The following KLF8 variants were observed in gnomAD, a reference collection of about 807,000 sequenced individuals.
KLF8 encodes the protein KLF transcription factor 8, also known as Krueppel-like factor 8.
A neutral mutation model predicts 18.2 loss-of-function variants in KLF8; 10 were observed. The observed-to-expected ratio is 0.55, with a 90% CI of 0.34 to 0.93. The LOEUF (loss-of-function observed/expected upper bound fraction) is 0.93, where lower values mean the gene tolerates loss of function less well. Ranked by LOEUF, KLF8 falls within the 40% of genes least tolerant of loss-of-function variation. KLF8 has a pLI of 0.02. For synonymous variants in KLF8, 109 were observed against 97.3 expected, an observed-to-expected ratio of 1.12 and a Z score of -0.71; for missense variants, 264 against 277.9, an observed-to-expected ratio of 0.95 and a Z score of 0.36.
intron 1 of KLF8, among the ~76,000 whole-genome samples, chrX:56,247,901 CA>C (rs1203354336): frequency 9.0e-6 from 1 of 111,208 alleles, no homozygotes; most frequent in African/African-American, 3.3e-5. Flanking sequence ...ATACAGAAAA[CA>C]ATAACATAGT....
chrX:56,057,197 A>G, the KLF8 span, among the ~76,000 whole-genome samples: 2 of 111,604 alleles, frequency 1.8e-5, no homozygotes, highest in African/African-American at 3.3e-5. Flanking sequence ...TTTTTGTGCC[A>G]CAGATATGGG....
the KLF8 span, among the ~76,000 whole-genome samples, chrX:55,977,347 G>A: frequency 1.8e-5 from 2 of 111,873 alleles, no homozygotes; most frequent in African/African-American, 6.5e-5. Context: ...TCTTCAATTT[G>A]TTAGCATTTA....
At chrX:55,956,983 A>G in the KLF8 span, among the ~76,000 whole-genome samples, 1 of 111,343 alleles carries the variant, frequency 9.0e-6, no homozygotes, top group Non-Finnish European at 1.9e-5. Context: ...GTTCAATGTC[A>G]TGAAACTTTC....
At chrX:55,983,321 CTAAA>C in the KLF8 span, among the ~76,000 whole-genome samples, 1 of 110,520 alleles carries the variant, frequency 9.0e-6, no homozygotes, top group Non-Finnish European at 1.9e-5. Flanking sequence ...TGAATTATAC[CTAAA>C]TAAAGCTGAT....
chrX:56,191,924 G>T, the KLF8 span, among the ~76,000 whole-genome samples: 2 of 111,312 alleles, frequency 1.8e-5, no homozygotes, highest in South Asian at 3.7e-4. Context: ...CCACAATAAG[G>T]ATGCCCATTG....
At chrX:56,188,297 G>C in the KLF8 span, among the ~76,000 whole-genome samples, 1 of 111,117 alleles carries the variant, frequency 9.0e-6, no homozygotes, top group Non-Finnish European at 1.9e-5. Flanking sequence ...AAAATACCTA[G>C]GAATCCAACT....
the KLF8 span, among the ~76,000 whole-genome samples, chrX:56,084,361 C>A: frequency 1.8e-5 from 2 of 110,458 alleles, no homozygotes; most frequent in African/African-American, 6.6e-5. Flanking sequence ...CCAGCCTGGG[C>A]CATAGTGAGA....
chrX:56,070,693 A>G, the KLF8 span, among the ~76,000 whole-genome samples: 2 of 109,940 alleles, frequency 1.8e-5, no homozygotes, highest in Non-Finnish European at 3.8e-5. Flanking sequence ...CTTTGAGGAC[A>G]GGTCAATAGG....
chrX:56,050,141 A>G, the KLF8 span, among the ~76,000 whole-genome samples: 1 of 109,587 alleles, frequency 9.1e-6, no homozygotes, highest in Admixed American at 9.7e-5. Context: ...TATTGCGTCT[A>G]TTTGATTCTT....
the KLF8 span, among the ~76,000 whole-genome samples, chrX:56,090,633 C>T: frequency 8.1e-5 from 9 of 111,234 alleles, no homozygotes; most frequent in African/African-American, 2.9e-4. Context: ...AATTTCTATT[C>T]ATGTTTTTGG....
the KLF8 span, among the ~76,000 whole-genome samples, chrX:55,911,985 G>C: frequency 8.9e-6 from 1 of 111,818 alleles, no homozygotes; most frequent in East Asian, 2.8e-4. Flanking sequence ...GATGTAATTG[G>C]TTGGGGCACA....
the KLF8 span, among the ~76,000 whole-genome samples, chrX:56,139,689 G>A: frequency 9.0e-6 from 1 of 111,422 alleles, no homozygotes; most frequent in Admixed American, 9.5e-5. Context: ...AGAAAACCTA[G>A]GAAGTGCTGT....
the KLF8 span, among the ~76,000 whole-genome samples, chrX:56,080,180 A>G: frequency 9.3e-6 from 1 of 107,962 alleles, no homozygotes; most frequent in African/African-American, 3.4e-5. Context: ...TGTGAATTTG[A>G]TCCTGTCATT....
At chrX:55,963,571 AT>A in the KLF8 span, among the ~76,000 whole-genome samples, 1 of 111,962 alleles carries the variant, frequency 8.9e-6, no homozygotes, top group Non-Finnish European at 1.9e-5. Context: ...ATAAAAAAAA[AT>A]CATTTCTAAA....
the KLF8 span, among the ~76,000 whole-genome samples, chrX:56,034,763 T>A: frequency 1.2e-5 from 1 of 85,122 alleles, no homozygotes; most frequent in African/African-American, 4.3e-5. Context: ...TTTTTTTTTT[T>A]TTTTTTTTTT....
the KLF8 span, among the ~76,000 whole-genome samples, chrX:55,928,192 C>T: frequency 9.0e-5 from 10 of 111,535 alleles, no homozygotes; most frequent in South Asian, 3.8e-3. Context: ...TATAGTTAGA[C>T]TGACATTATG....
the KLF8 span, among the ~76,000 whole-genome samples, chrX:56,124,715 A>T: frequency 8.9e-6 from 1 of 111,924 alleles, no homozygotes; most frequent in African/African-American, 3.3e-5. Flanking sequence ...GGGTGATGTC[A>T]TAAAAACTTG....
At chrX:55,989,430 C>A in the KLF8 span, among the ~76,000 whole-genome samples, 1 of 112,452 alleles carries the variant, frequency 8.9e-6, no homozygotes, top group African/African-American at 3.2e-5. Context: ...TGAATTCTGT[C>A]AAAGGCCTTT....
the KLF8 span, among the ~76,000 whole-genome samples, chrX:56,062,982 C>T: frequency 1.9e-4 from 21 of 110,607 alleles, 1 homozygote; most frequent in Admixed American, 1.6e-3. Flanking sequence ...GTATGCTTCA[C>T]GAAGTTCTCG....
Sources: gnomAD v4.1 joint callset for allele counts (sites outside exome capture counted in the v4.1 genomes callset) on GRCh38, gnomAD v4.1.1 for gene constraint, MANE v1.5 for transcripts, NCBI Gene and HGNC (gene_info 2026-07-23, HGNC 2026-07-21) for gene names.